Variants in STK39 observed in about 807,000 individuals in gnomAD.
The protein encoded by STK39 is STE20/SPS1-related proline-alanine-rich protein kinase.
A neutral mutation model predicts 77.8 loss-of-function variants in STK39; 20 were observed. That is an observed-to-expected ratio of 0.26 (90% CI 0.18 to 0.37). The LOEUF is 0.37. STK39 is among the 10% of genes least tolerant of loss of function. The probability of loss-of-function intolerance (pLI) is 1.00; values close to 1 mark genes in which losing one functional copy is unlikely to be tolerated. For synonymous variants in STK39, 246 were observed against 234.1 expected (o/e 1.05, Z -0.47); for missense variants, 479 against 656.5 (o/e 0.73, Z 2.95).
intron 16 of STK39, among the ~76,000 whole-genome samples, chr2:167,965,480 T>C (rs930465322): frequency 1.3e-5 from 2 of 152,208 alleles, no homozygotes; most frequent in African/African-American, 4.8e-5. Flanking sequence ...GATACTCCAG[T>C]AGAGAAGTCA....
intron 10 of STK39, among the ~76,000 whole-genome samples, chr2:168,082,471 GT>G (rs1270192884): frequency 6.6e-6 from 1 of 152,220 alleles, no homozygotes; most frequent in African/African-American, 2.4e-5. Flanking sequence ...CTTCCTAATA[GT>G]GTAATTCAAT....
intron 1 of STK39, among the ~76,000 whole-genome samples, chr2:168,238,006 C>T (rs1310866391): frequency 6.6e-6 from 1 of 152,146 alleles, no homozygotes; most frequent in Non-Finnish European, 1.5e-5. Context: ...CTAAGCTACA[C>T]AGGATAGGTC....
Position 167,998,232 on chromosome 2 carries a change from C to A in STK39, c.1498+14402G>T, listed in dbSNP as rs561812547. ...CAGCCCTCTATCCGGTTCACCCGGA[C>A]AAAGGTTAGCTAAACAAGAACTTAC... On this transcript the variant is annotated intron_variant, in intron 16 of 17. Coordinates refer to ENST00000355999, the MANE Select transcript of STK39 (RefSeq NM_013233.3). 2.6e-5 allele frequency among the ~76,000 whole-genome samples: 4 copies of A among 152,322 alleles called. No homozygotes were observed. The East Asian group carries it at 7.7e-4, about 29-fold the overall frequency.
chr2:168,005,208 G>A (rs951017058), intron 16 of STK39, among the ~76,000 whole-genome samples: 2 of 151,900 alleles, frequency 1.3e-5, no homozygotes, highest in Non-Finnish European at 2.9e-5. Flanking sequence ...GTTTCTCCAT[G>A]TTGGCCTGGC....
chr2:168,221,888 A>G (rs1170802273), intron 1 of STK39, among the ~76,000 whole-genome samples: 1 of 152,158 alleles, frequency 6.6e-6, no homozygotes, highest in African/African-American at 2.4e-5. Flanking sequence ...TCTGACCTTC[A>G]GCCAGCTCAC....
At chr2:168,079,618 G>A (rs1189309972) in intron 10 of STK39, among the ~76,000 whole-genome samples, 2 of 152,180 alleles carry the variant, frequency 1.3e-5, no homozygotes, top group Non-Finnish European at 2.9e-5. Flanking sequence ...GCAGCACCTG[G>A]GAGGGAGCTT....
chr2:167,983,239 G>T (rs574413393), intron 16 of STK39, among the ~76,000 whole-genome samples: 18 of 152,168 alleles, frequency 1.2e-4, no homozygotes, highest in South Asian at 4.1e-4. Context: ...CAGCACTTTG[G>T]GGGGCTGAGG....
At chr2:168,238,799 T>C (rs141421074) in intron 1 of STK39, among the ~76,000 whole-genome samples, 110 of 152,364 alleles carry the variant, frequency 7.2e-4, no homozygotes, top group African/African-American at 2.5e-3. Context: ...TATTGAATTC[T>C]TGTCTAGTAT....
At chr2:168,155,219 C>T (rs1688395599) in intron 5 of STK39, among the ~76,000 whole-genome samples, 1 of 152,180 alleles carries the variant, frequency 6.6e-6, no homozygotes, top group African/African-American at 2.4e-5. Context: ...GTAACATTTC[C>T]TTAAGCTGTT....
intron 16 of STK39, among the ~76,000 whole-genome samples, chr2:167,987,729 C>T (rs1050741878): frequency 2.6e-5 from 4 of 152,134 alleles, no homozygotes; most frequent in African/African-American, 7.2e-5. Context: ...CAAATAACCC[C>T]CAAATAACCC....
intron 12 of STK39, among the ~76,000 whole-genome samples, chr2:168,074,690 G>A (rs773965507): frequency 1.3e-5 from 2 of 152,330 alleles, no homozygotes; most frequent in South Asian, 2.1e-4. Context: ...CAAGGATTCC[G>A]TGGAGGGTTT....
intron 1 of STK39, among the ~76,000 whole-genome samples, chr2:168,228,872 A>C (rs1010377335): frequency 6.6e-6 from 1 of 152,176 alleles, no homozygotes; most frequent in Admixed American, 6.5e-5. Context: ...CTTTTTCCTT[A>C]CATGAGAAAG....
intron 1 of STK39, among the ~76,000 whole-genome samples, chr2:168,230,765 G>GA (rs1224340358): frequency 2.0e-5 from 3 of 150,266 alleles, no homozygotes. Context: ...ATCATCCTTG[G>GA]AAAAATTACA....
At chr2:168,083,520 A>G (rs1686292766) in intron 10 of STK39, among the ~76,000 whole-genome samples, 2 of 152,166 alleles carry the variant, frequency 1.3e-5, no homozygotes. Flanking sequence ...CAGACATTTA[A>G]GCTAGAAATT....
intron 5 of STK39, among the ~76,000 whole-genome samples, chr2:168,150,321 T>G (rs1427416924): frequency 1.3e-5 from 2 of 152,180 alleles, no homozygotes; most frequent in African/African-American, 4.8e-5. Flanking sequence ...CCAAGGGCAA[T>G]TCTAAAAACA....
chr2:168,000,785 T>C (rs1408160228), intron 16 of STK39, among the ~76,000 whole-genome samples: 3 of 152,174 alleles, frequency 2.0e-5, no homozygotes, highest in Non-Finnish European at 4.4e-5. Flanking sequence ...GCCATGAACG[T>C]GACTTTCTAA....
chr2:168,204,993 T>C (rs1255873734), intron 1 of STK39, among the ~76,000 whole-genome samples: 3 of 152,192 alleles, frequency 2.0e-5, no homozygotes, highest in African/African-American at 4.8e-5. Flanking sequence ...ATACACTGCA[T>C]TGAAATTTAC....
In STK39 at chr2:168,247,528, G is replaced by A. The variant is rs1008698485; in HGVS notation, c.-93C>T. On this transcript the variant is annotated 5_prime_UTR_variant, in exon 1 of 18. Transcript: ENST00000355999. ...CCTCGCCGCCGACACCTCTCGGCCG[G>A]CGCACGCCCTCCCCGCCCGCCGCCG... The A allele has an allele frequency of 8.3e-6, 6 of 721,612 alleles. No individual in the cohort carries two copies. Among genetic ancestry groups the A allele is most frequent in the East Asian group, 1.9e-4 (2 of 10,328 alleles). 44.7% of individuals were successfully genotyped at this position (721,612 alleles called of 1,614,324 possible).
At chr2:168,042,112 A>T (rs542526644) in intron 14 of STK39, among the ~76,000 whole-genome samples, 6 of 152,294 alleles carry the variant, frequency 3.9e-5, no homozygotes, top group Non-Finnish European at 7.4e-5. Context: ...CTTCTCAGTG[A>T]TTGTAATTAT....
Sources: allele counts gnomAD v4.1 joint callset (sites outside exome capture counted in the v4.1 genomes callset), GRCh38; gene constraint gnomAD v4.1.1; transcripts MANE v1.5; gene names NCBI Gene and HGNC (gene_info 2026-07-23, HGNC 2026-07-21).